Variants in STIMATE observed in about 807,000 individuals in gnomAD.
STIMATE encodes STIM activating enhancer.
STIMATE carries 15 observed loss-of-function variants against 36.7 expected under a neutral mutation model. That is an observed-to-expected ratio of 0.41 (90% CI 0.27 to 0.63). STIMATE has a LOEUF of 0.63. STIMATE is among the 20% of genes least tolerant of loss of function. STIMATE has a pLI of 0.32. For synonymous variants in STIMATE, 163 were observed against 162.3 expected (o/e 1.00, Z -0.03); for missense variants, 305 against 397.3 (o/e 0.77, Z 1.98).
chr3:52,871,884 C>A (rs1447110243), intron 1 of STIMATE, among the ~76,000 whole-genome samples: 1 of 151,832 alleles, frequency 6.6e-6, no homozygotes, highest in African/African-American at 2.4e-5. Context: ...AAACGGCAGG[C>A]TCCTTCTCTG....
chr3:52,846,116 T>C (rs115716740), intron 4 of STIMATE, among the ~76,000 whole-genome samples: 2,448 of 152,336 alleles, frequency 0.016, 67 homozygotes, highest in African/African-American at 0.056. Flanking sequence ...CACAAGGGAA[T>C]GACTTTATGC....
intron 4 of STIMATE, chr3:52,847,365 C>A: frequency 8.1e-7 from 1 of 1,234,656 alleles, no homozygotes; most frequent in South Asian, 1.4e-5. Flanking sequence ...AGAGTTTGGC[C>A]AGGGATGGGC....
intron 1 of STIMATE, among the ~76,000 whole-genome samples, chr3:52,896,422 A>G (rs1305997482): frequency 6.6e-6 from 1 of 152,034 alleles, no homozygotes; most frequent in African/African-American, 2.4e-5. Flanking sequence ...ACTTCTTGTT[A>G]CTTTAATAAG....
chr3:52,862,371 C>A (rs1365452474), intron 1 of STIMATE, among the ~76,000 whole-genome samples: 1 of 152,186 alleles, frequency 6.6e-6, no homozygotes, highest in Non-Finnish European at 1.5e-5. Context: ...TCCACCCACC[C>A]ATCCACTCCA....
At chr3:52,852,833 G>A (rs2106669534) in intron 2 of STIMATE, 135 bp from the exon 3 acceptor site, 1 of 1,055,490 alleles carries the variant, frequency 9.5e-7, no homozygotes, top group African/African-American at 1.6e-5. Context: ...CTGGGGCCTT[G>A]AGCACTAACT....
chr3:52,860,736 T>C (rs996538317), intron 1 of STIMATE, among the ~76,000 whole-genome samples: 1 of 152,064 alleles, frequency 6.6e-6, no homozygotes, highest in African/African-American at 2.4e-5. Context: ...CAGATTCCGG[T>C]TGGGTCTTAA....
chr3:52,837,760 C>G lies in STIMATE; in HGVS notation c.*2734G>C, dbSNP rs1700729105. 1 of 152,236 alleles carries G rather than the reference C, an allele frequency of 6.6e-6. No individual in the cohort carries two copies. Among genetic ancestry groups the G allele is most frequent in the Non-Finnish European group, 1.5e-5 (1 of 68,040 alleles). 9.4% of individuals were successfully genotyped at this position (152,236 alleles called of 1,614,324 possible). Reference sequence around the variant, plus strand: ...CACACAATATCCAGCCAACGTCCCACCATTTCTCAACACGGTGATGGATGC... The same window carrying G: ...CACACAATATCCAGCCAACGTCCCAGCATTTCTCAACACGGTGATGGATGC... On this transcript the variant is annotated 3_prime_UTR_variant, in exon 8 of 8. Coordinates refer to ENST00000355083, the MANE Select transcript of STIMATE (RefSeq NM_198563.5).
chr3:52,840,402 G>C lies in STIMATE; in HGVS notation c.*92C>G. The C allele has an allele frequency of 1.5e-6, 2 of 1,358,422 alleles. No homozygotes were observed. The highest frequency in any genetic ancestry group is 2.4e-5 in the East Asian group (1 of 42,184). 84.1% of individuals were successfully genotyped at this position (1,358,422 alleles called of 1,614,324 possible). On this transcript the variant is annotated 3_prime_UTR_variant, in exon 8 of 8. Transcript: ENST00000355083. The stretch of plus-strand genomic sequence containing the variant: ...AAGAGGAGCAGAGGTAGAAAGGAAG[G>C]GCAGAGAGAGGGTAAGGAACGATGC...
intron 1 of STIMATE, among the ~76,000 whole-genome samples, chr3:52,892,113 A>G (rs1439724467): frequency 6.6e-6 from 1 of 152,200 alleles, no homozygotes; most frequent in Non-Finnish European, 1.5e-5. Flanking sequence ...ACAAATCTTC[A>G]TGTTTGTGCA....
intron 1 of STIMATE, among the ~76,000 whole-genome samples, chr3:52,893,598 G>C (rs1701817861): frequency 6.6e-6 from 1 of 152,182 alleles, no homozygotes; most frequent in Admixed American, 6.5e-5. Context: ...GTTTACCACG[G>C]AGAAAACCCC....
At chr3:52,853,810 G>A (rs1396308672) in intron 2 of STIMATE, among the ~76,000 whole-genome samples, 1 of 151,876 alleles carries the variant, frequency 6.6e-6, no homozygotes, top group African/African-American at 2.4e-5. Context: ...TTATCACAGT[G>A]ATTACTGACG....
intron 1 of STIMATE, among the ~76,000 whole-genome samples, chr3:52,876,453 A>T (rs1399728683): frequency 2.6e-5 from 4 of 152,242 alleles, no homozygotes; most frequent in African/African-American, 9.6e-5. Context: ...TAGAACACTT[A>T]AATCTACAGT....
At chr3:52,847,096 G>C in intron 4 of STIMATE, 1 of 492,816 alleles carries the variant, frequency 2.0e-6, no homozygotes, top group Non-Finnish European at 2.6e-6. Context: ...TTTTTGTAGA[G>C]ACGGGATCTT....
rs1326637682 is a variant in STIMATE, at chr3:52,842,889, C to T, written c.690G>A (p.Arg230=). 1.2e-6 allele frequency: 2 copies of T among 1,614,124 alleles called. No homozygotes were observed. The highest frequency in any genetic ancestry group is 1.7e-6 in the Non-Finnish European group (2 of 1,180,052). The change falls in exon 7 of 8, where the codon AGG becomes AGA. Residue 230 remains arginine, a synonymous_variant. Transcript: ENST00000355083. ...KGKTKAKLEE[R]GANQDSRNGS... ...CATTCCTCGAGTCCTGGTTGGCTCC[C>T]CTTTCTTCTAGCTTAGCTTTCGTCT...
intron 6 of STIMATE, chr3:52,843,285 T>G (rs1224588928): frequency 7.3e-6 from 3 of 411,920 alleles, no homozygotes; most frequent in Non-Finnish European, 1.3e-5. Context: ...AGACTCCATG[T>G]GGGTGGCCGG....
intron 1 of STIMATE, among the ~76,000 whole-genome samples, chr3:52,863,094 T>C (rs1388506310): frequency 2.0e-5 from 3 of 152,214 alleles, no homozygotes; most frequent in African/African-American, 7.2e-5. Context: ...TTCTGCTGTT[T>C]TAGGCCAAGA....
intron 1 of STIMATE, among the ~76,000 whole-genome samples, chr3:52,859,099 T>A (rs1575333386): frequency 1.3e-5 from 2 of 150,154 alleles, no homozygotes; most frequent in South Asian, 4.2e-4. Context: ...GAGGTGGAGG[T>A]TGCAGTGAGC....
intron 1 of STIMATE, among the ~76,000 whole-genome samples, chr3:52,872,788 G>T (rs544770152): frequency 1.3e-5 from 2 of 152,158 alleles, no homozygotes; most frequent in African/African-American, 4.8e-5. Context: ...ACCACACCCA[G>T]CTAATTTTTG....
At chr3:52,873,631 C>G (rs770955204) in intron 1 of STIMATE, among the ~76,000 whole-genome samples, 2 of 152,098 alleles carry the variant, frequency 1.3e-5, no homozygotes, top group African/African-American at 4.8e-5. Flanking sequence ...TCCAAGAGCC[C>G]TAGGGGTGGG....
Sources: gnomAD v4.1 joint callset for allele counts (sites outside exome capture counted in the v4.1 genomes callset) on GRCh38, gnomAD v4.1.1 for gene constraint, MANE v1.5 for transcripts, NCBI Gene and HGNC (gene_info 2026-07-23, HGNC 2026-07-21) for gene names.